SNX29: variants seen among roughly 807,000 people sequenced by gnomAD.
The protein encoded by SNX29 is sorting nexin 29, also known as sorting nexin-29.
Under a neutral mutation model 102.1 loss-of-function variants are expected in SNX29, and 78 were observed. That is an observed-to-expected ratio of 0.76 (90% CI 0.64 to 0.92). The LOEUF (loss-of-function observed/expected upper bound fraction) is 0.92, where lower values mean the gene tolerates loss of function less well. SNX29 is among the 40% of genes least tolerant of loss of function. SNX29 has a pLI of 0.00. For missense variants in SNX29, 1,280 were observed against 1,061.7 expected (o/e 1.21, Z -2.86); for synonymous variants, 580 against 414.5 (o/e 1.40, Z -4.85).
At chr16:12,502,634 C>G (rs1222028299) in intron 19 of SNX29, among the ~76,000 whole-genome samples, 1 of 152,176 alleles carries the variant, frequency 6.6e-6, no homozygotes, top group Non-Finnish European at 1.5e-5. Flanking sequence ...CCAAGGAATT[C>G]TTATCCTGGG....
chr16:12,369,762 T>C (rs1194794498), intron 16 of SNX29, among the ~76,000 whole-genome samples: 4 of 152,258 alleles, frequency 2.6e-5, no homozygotes, highest in Admixed American at 6.5e-5. Context: ...ATTATGTTAA[T>C]AGTTGTACAA....
intron 14 of SNX29, among the ~76,000 whole-genome samples, chr16:12,250,532 A>G (rs944377211): frequency 6.6e-6 from 1 of 152,164 alleles, no homozygotes; most frequent in South Asian, 2.1e-4. Context: ...CCTCTTACCC[A>G]CTTACCTCTC....
intron 11 of SNX29, among the ~76,000 whole-genome samples, chr16:12,092,952 G>A (rs1415282155): frequency 1.3e-5 from 2 of 152,126 alleles, no homozygotes; most frequent in African/African-American, 4.8e-5. Context: ...TTTTATACCC[G>A]AGGCCAGGTG....
At chr16:12,335,978 G>C (rs1261264829) in intron 15 of SNX29, among the ~76,000 whole-genome samples, 1 of 152,044 alleles carries the variant, frequency 6.6e-6, no homozygotes, top group Non-Finnish European at 1.5e-5. Flanking sequence ...GTGGGTCAAG[G>C]CACATCCGGG....
intron 19 of SNX29, among the ~76,000 whole-genome samples, chr16:12,499,934 C>T (rs1325412585): frequency 1.3e-5 from 2 of 152,158 alleles, no homozygotes; most frequent in South Asian, 2.1e-4. Context: ...GCCTCAGTCT[C>T]ACAAAGTGCT....
rs2082514237 is a variant in SNX29 at position 12,367,109 on chromosome 16, C to T, written c.1899+10830C>T. On this transcript the variant is annotated intron_variant, in intron 16 of 20. Coordinates refer to ENST00000566228, the MANE Select transcript of SNX29 (RefSeq NM_032167.5). ...GTGGAGTGGGCCATTGCCTGCCTTC[C>T]AGCATATGGCTGACCCCTGATGAGT... is the stretch of plus-strand genomic sequence containing the variant. The T allele has an allele frequency of 1.3e-5, 2 of 152,366 alleles. 1 individual carries two copies. The highest frequency in any genetic ancestry group is 4.1e-4 in the South Asian group (2 of 4,820). The allele number at this position is 152,366 out of a possible 1,614,324, so 9.4% of individuals were successfully genotyped here. A position where few individuals can be genotyped will look rare whatever the true frequency, so the allele number is the denominator to read the frequency against.
intron 4 of SNX29, among the ~76,000 whole-genome samples, chr16:12,041,553 G>C (rs2049880044): frequency 6.6e-6 from 1 of 152,192 alleles, no homozygotes; most frequent in African/African-American, 2.4e-5. Context: ...GTGACAGCAG[G>C]GCTGCTTCCT....
At chr16:12,136,771 G>A (rs1369579450) in intron 13 of SNX29, among the ~76,000 whole-genome samples, 2 of 152,036 alleles carry the variant, frequency 1.3e-5, no homozygotes, top group Non-Finnish European at 1.5e-5. Context: ...ACAGAGTCTC[G>A]CTCTGTCACC....
chr16:12,477,870 G>A lies in SNX29; in HGVS notation c.2178+11G>A, dbSNP rs766633667. The A allele has an allele frequency of 8.9e-6, 14 of 1,572,344 alleles. No individual in the cohort carries two copies. Among genetic ancestry groups the A allele is most frequent in the Admixed American group, 8.2e-5 (4 of 48,590 alleles). On this transcript the variant is annotated intron_variant, in intron 19 of 20. Transcript: ENST00000566228. ...GCCATTGGAAACAAGGTACCATCCCGTGCTGGGAAGCCCACTTGTCACTGC... is the reference window on the plus strand; with the variant it reads ...GCCATTGGAAACAAGGTACCATCCCATGCTGGGAAGCCCACTTGTCACTGC...
chr16:12,494,538 C>T (rs936483239), intron 19 of SNX29, among the ~76,000 whole-genome samples: 1 of 152,168 alleles, frequency 6.6e-6, no homozygotes, highest in African/African-American at 2.4e-5. Context: ...CTCTCCAAAA[C>T]GGGGTCCAGC....
chr16:12,397,858 G>T (rs532254915), intron 16 of SNX29, among the ~76,000 whole-genome samples: 3 of 152,216 alleles, frequency 2.0e-5, no homozygotes, highest in Non-Finnish European at 4.4e-5. Flanking sequence ...CACAGTGTGG[G>T]GTCAGGACCC....
intron 12 of SNX29, 108 bp downstream of exon 12, chr16:12,126,804 G>A (rs1433763366): frequency 8.5e-7 from 1 of 1,176,942 alleles, no homozygotes; most frequent in Non-Finnish European, 1.2e-6. Flanking sequence ...GGCAAAAATT[G>A]TGACTGGCTA....
At chr16:12,389,550 C>CA (rs745555925) in intron 16 of SNX29, among the ~76,000 whole-genome samples, 1 of 152,112 alleles carries the variant, frequency 6.6e-6, no homozygotes, top group Non-Finnish European at 1.5e-5. Flanking sequence ...ACTGTGAGTC[C>CA]ATTAAACCTC....
chr16:12,276,525 G>T (rs2079256973), intron 14 of SNX29, among the ~76,000 whole-genome samples: 1 of 152,142 alleles, frequency 6.6e-6, no homozygotes, highest in Non-Finnish European at 1.5e-5. Context: ...CCGCATCACT[G>T]GGGGGCTAGT....
intron 19 of SNX29, among the ~76,000 whole-genome samples, chr16:12,505,655 GGAATTGAAAAGTAT>G (rs898549295): frequency 6.7e-6 from 1 of 149,404 alleles, no homozygotes; most frequent in African/African-American, 2.5e-5. Flanking sequence ...AGTAGCTGTT[GGAATTGAAAAGTAT>G]GAGTCCTCCA....
intron 15 of SNX29, among the ~76,000 whole-genome samples, chr16:12,333,204 C>G (rs1052208986): frequency 6.8e-6 from 1 of 147,360 alleles, no homozygotes; most frequent in African/African-American, 2.5e-5. Context: ...CTACCAAGTT[C>G]AAGTGATTGT....
intron 18 of SNX29, among the ~76,000 whole-genome samples, chr16:12,404,339 C>A (rs138690380): frequency 1.3e-5 from 2 of 152,186 alleles, no homozygotes; most frequent in South Asian, 2.1e-4. Flanking sequence ...TCCAGTTCTC[C>A]GTCTCCTCTC....
intron 20 of SNX29, among the ~76,000 whole-genome samples, chr16:12,565,157 C>T (rs1021690760): frequency 7.9e-5 from 12 of 152,106 alleles, no homozygotes; most frequent in Admixed American, 6.5e-5. Flanking sequence ...TGCCAGTTTA[C>T]ATACTCCCAG....
In SNX29 at chr16:12,397,498, C is replaced by G. The variant is rs192791627; in HGVS notation, c.1900-948C>G. Among the ~76,000 whole-genome samples the G allele has an allele frequency of 2.6e-5, 4 of 152,190 alleles. No individual in the cohort carries two copies. In the East Asian group the frequency reaches 7.7e-4, roughly 29 times the overall value. On this transcript the variant is annotated intron_variant, in intron 16 of 20. Coordinates refer to ENST00000566228, the MANE Select transcript of SNX29 (RefSeq NM_032167.5). ...TGGGGATTGTGGGGAGTGTGGAAAC[C>G]CTGAGAGGTAAAAGGTGTAAATTCA...
Sources: gnomAD v4.1 joint callset for allele counts (sites outside exome capture counted in the v4.1 genomes callset) on GRCh38, gnomAD v4.1.1 for gene constraint, MANE v1.5 for transcripts, NCBI Gene and HGNC (gene_info 2026-07-23, HGNC 2026-07-21) for gene names.